Variants in KCNK1 observed in about 807,000 individuals in gnomAD.
The protein encoded by KCNK1 is potassium two pore domain channel subfamily K member 1.
In KCNK1, 10 loss-of-function variants were observed where a neutral mutation model predicts 22.2. The ratio of observed to expected loss-of-function variants is 0.45; its 90% CI spans 0.28 to 0.76. The LOEUF (loss-of-function observed/expected upper bound fraction) is 0.76, where lower values mean the gene tolerates loss of function less well. Ranked by LOEUF, KCNK1 falls within the 30% of genes least tolerant of loss-of-function variation. The probability of loss-of-function intolerance (pLI) is 0.14; values close to 1 mark genes in which losing one functional copy is unlikely to be tolerated. For synonymous variants in KCNK1, 200 were observed against 186.4 expected, an observed-to-expected ratio of 1.07 and a Z score of -0.60; for missense variants, 378 against 421.0, an observed-to-expected ratio of 0.90 and a Z score of 0.89.
At chr1:233,629,493 GCA>G (rs1439747933) in intron 1 of KCNK1, 1 of 152,208 alleles carries the variant, frequency 6.6e-6, no homozygotes, top group African/African-American at 2.4e-5. Context: ...CTCCCTGCTG[GCA>G]CACAGCAGCA....
intron 1 of KCNK1, among the ~76,000 whole-genome samples, chr1:233,653,698 C>A (rs1658238527): frequency 6.6e-6 from 1 of 152,132 alleles, no homozygotes; most frequent in Non-Finnish European, 1.5e-5. Context: ...GGTTCTCAGG[C>A]CTTCAAACTT....
intron 1 of KCNK1, among the ~76,000 whole-genome samples, chr1:233,637,663 G>T (rs891335776): frequency 3.9e-5 from 6 of 152,160 alleles, no homozygotes; most frequent in Admixed American, 2.6e-4. Flanking sequence ...CGTGACCAGT[G>T]ATGAGGTTTG....
intron 1 of KCNK1, chr1:233,636,421 T>A (rs1294211483): frequency 2.0e-5 from 3 of 152,128 alleles, no homozygotes; most frequent in African/African-American, 7.2e-5. Context: ...ATGGTAGAGC[T>A]AGTAAGATTT....
At chr1:233,625,091 A>G (rs1657664651) in intron 1 of KCNK1, among the ~76,000 whole-genome samples, 1 of 152,234 alleles carries the variant, frequency 6.6e-6, no homozygotes, top group Non-Finnish European at 1.5e-5. Context: ...AGCCTTCAGA[A>G]TGAAGACCCA....
At chr1:233,649,280 T>A (rs1658157443) in intron 1 of KCNK1, among the ~76,000 whole-genome samples, 2 of 152,214 alleles carry the variant, frequency 1.3e-5, no homozygotes, top group South Asian at 4.1e-4. Context: ...AGAGGCTGTC[T>A]CAGCAAGTGC....
chr1:233,633,383 G>A (rs567943955), intron 1 of KCNK1, among the ~76,000 whole-genome samples: 1 of 152,188 alleles, frequency 6.6e-6, no homozygotes, highest in Admixed American at 6.5e-5. Context: ...GTTAAAATAA[G>A]CTAGATTAAC....
chr1:233,631,998 T>A (rs971182261), intron 1 of KCNK1, among the ~76,000 whole-genome samples: 3 of 152,182 alleles, frequency 2.0e-5, no homozygotes, highest in Admixed American at 6.5e-5. Context: ...TGGAAGTCAG[T>A]TGGACAGCAG....
chr1:233,639,242 T>G (rs182593215), intron 1 of KCNK1, among the ~76,000 whole-genome samples: 19 of 152,370 alleles, frequency 1.2e-4, no homozygotes, highest in African/African-American at 4.3e-4. Flanking sequence ...ATTTGGCCCC[T>G]AATATCCTGT....
chr1:233,663,585 C>T (rs181417690), intron 1 of KCNK1, among the ~76,000 whole-genome samples: 34 of 152,076 alleles, frequency 2.2e-4, no homozygotes, highest in East Asian at 1.7e-3. Flanking sequence ...TTTAGTAAAG[C>T]TGATTTATAA....
intron 1 of KCNK1, among the ~76,000 whole-genome samples, chr1:233,655,258 G>T (rs1247063457): frequency 6.6e-6 from 1 of 151,992 alleles, no homozygotes; most frequent in African/African-American, 2.4e-5. Flanking sequence ...TCTATTCTAT[G>T]CCTGTCCCAC....
chr1:233,645,328 T>G (rs1440389718), intron 1 of KCNK1, among the ~76,000 whole-genome samples: 1 of 152,220 alleles, frequency 6.6e-6, no homozygotes, highest in Non-Finnish European at 1.5e-5. Context: ...TGTGGCCTTC[T>G]TTGGAAAAAA....
rs80344756 is a variant in KCNK1 at position 233,619,259 on chromosome 1, G to A, written c.355+4733G>A. Among the ~76,000 whole-genome samples, 667 of 152,074 alleles carry A rather than the reference G, an allele frequency of 4.4e-3. 4 individuals are homozygous for A. The highest frequency in any genetic ancestry group is 0.014 in the African/African-American group (597 of 41,482). On this transcript the variant is annotated intron_variant, in intron 1 of 2. Transcript: ENST00000366621. ...GTTGGTCTCAAACTTGTTGCCTTAAGCTGTCTCCCACCTCAGCCTCTCAAA... is the reference window on the plus strand; with the variant it reads ...GTTGGTCTCAAACTTGTTGCCTTAAACTGTCTCCCACCTCAGCCTCTCAAA...
chr1:233,659,005 TTTTC>T (rs1180346797), intron 1 of KCNK1, among the ~76,000 whole-genome samples: 7 of 152,150 alleles, frequency 4.6e-5, no homozygotes, highest in African/African-American at 1.4e-4. Context: ...CTTCAATTTA[TTTTC>T]TTTCTTTAAT....
chr1:233,656,157 TA>T (rs1658292190), intron 1 of KCNK1, among the ~76,000 whole-genome samples: 1 of 152,180 alleles, frequency 6.6e-6, no homozygotes, highest in African/African-American at 2.4e-5. Flanking sequence ...GATGGCTAGA[TA>T]ACAGAAAAGA....
At chr1:233,635,497 T>C (rs1657881503) in intron 1 of KCNK1, among the ~76,000 whole-genome samples, 1 of 152,224 alleles carries the variant, frequency 6.6e-6, no homozygotes, top group Non-Finnish European at 1.5e-5. Flanking sequence ...TTTAAGCCAG[T>C]AGGGCATCAC....
At chr1:233,619,603 G>A (rs916291746) in intron 1 of KCNK1, among the ~76,000 whole-genome samples, 1 of 152,034 alleles carries the variant, frequency 6.6e-6, no homozygotes, top group Admixed American at 6.6e-5. Flanking sequence ...ACAAATACTT[G>A]TTGCGCTTTT....
intron 1 of KCNK1, among the ~76,000 whole-genome samples, chr1:233,624,915 C>T (rs188099682): frequency 3.9e-5 from 6 of 152,154 alleles, no homozygotes; most frequent in African/African-American, 9.7e-5. Context: ...CACTTTTGCC[C>T]TCCTGGATGT....
chr1:233,628,760 A>AAATAAT lies in KCNK1; in HGVS notation c.355+14252_355+14257dup, dbSNP rs58722587. Among the ~76,000 whole-genome samples the AAATAAT allele has an allele frequency of 3.6e-4, 53 of 148,792 alleles. 1 individual carries two copies. In the East Asian group the frequency reaches 6.3e-3, roughly 18 times the overall value. On this transcript the variant is annotated intron_variant, in intron 1 of 2. Coordinates refer to ENST00000366621, the MANE Select transcript of KCNK1 (RefSeq NM_002245.4). ...GGGCAACAGAGCAAGACTCTGTCTC[A>AAATAAT]AATAATAATAATAATAATAATAAAT... is the stretch of plus-strand genomic sequence containing the variant.
intron 1 of KCNK1, among the ~76,000 whole-genome samples, chr1:233,633,547 T>C (rs1404470808): frequency 1.3e-5 from 2 of 152,172 alleles, no homozygotes; most frequent in African/African-American, 4.8e-5. Flanking sequence ...TATTATCAAA[T>C]AGGCCTATCT....
Sources: allele counts gnomAD v4.1 joint callset (sites outside exome capture counted in the v4.1 genomes callset), GRCh38; gene constraint gnomAD v4.1.1; transcripts MANE v1.5; gene names NCBI Gene and HGNC (gene_info 2026-07-23, HGNC 2026-07-21).